Variants in KIAA1217 observed in about 807,000 individuals in gnomAD.
KIAA1217 encodes sickle tail protein homolog.
Under a neutral mutation model 163.9 loss-of-function variants are expected in KIAA1217, and 88 were observed. That is an observed-to-expected ratio of 0.54 (90% confidence interval 0.45 to 0.64). KIAA1217 has a LOEUF of 0.64. Ranked by LOEUF, KIAA1217 falls within the 30% of genes least tolerant of loss-of-function variation. KIAA1217 has a pLI of 0.00. For missense variants in KIAA1217, 2,372 were observed against 2,475.0 expected (o/e 0.96, Z 0.88); for synonymous variants, 903 against 923.1 (o/e 0.98, Z 0.39).
chr10:24,282,823 CTTTTTTTT>C (rs34486953), intron 2 of KIAA1217, among the ~76,000 whole-genome samples: 6 of 46,278 alleles, frequency 1.3e-4, no homozygotes, highest in East Asian at 9.1e-4. Context: ...GGTGTTGCTT[CTTTTTTTT>C]TTTTTTTTTT....
At chr10:24,219,053 A>G (rs1449873670) in intron 1 of KIAA1217, among the ~76,000 whole-genome samples, 2 of 152,212 alleles carry the variant, frequency 1.3e-5, no homozygotes, top group East Asian at 3.9e-4. Flanking sequence ...AGACAAGGAT[A>G]AGGAATAACC....
intron 2 of KIAA1217, among the ~76,000 whole-genome samples, chr10:24,349,804 T>A (rs369534279): frequency 1.3e-5 from 2 of 152,390 alleles, no homozygotes; most frequent in African/African-American, 4.8e-5. Context: ...AAGAAAGGAA[T>A]ATCTCTCTGG....
intron 2 of KIAA1217, among the ~76,000 whole-genome samples, chr10:24,223,071 GT>G (rs1305703352): frequency 1.3e-5 from 2 of 152,120 alleles, no homozygotes; most frequent in African/African-American, 4.8e-5. Context: ...GGTTTGGTAG[GT>G]TTTGGCTGGT....
chr10:23,844,548 C>A (rs1166811874), intron 1 of KIAA1217, among the ~76,000 whole-genome samples: 3 of 152,098 alleles, frequency 2.0e-5, no homozygotes, highest in Non-Finnish European at 4.4e-5. Flanking sequence ...TTTATGTTCA[C>A]CAGTTACCTT....
At chr10:24,389,942 A>G (rs1357726327) in intron 3 of KIAA1217, among the ~76,000 whole-genome samples, 1 of 152,124 alleles carries the variant, frequency 6.6e-6, no homozygotes, top group African/African-American at 2.4e-5. Context: ...GGTGAGGCCC[A>G]ACTCTGCATC....
chr10:24,080,730 T>C (rs1015508576), intron 2 of KIAA1217, among the ~76,000 whole-genome samples: 8 of 152,210 alleles, frequency 5.3e-5, no homozygotes, highest in African/African-American at 1.9e-4. Context: ...ACTTAATATA[T>C]GCATTTTGGT....
chr10:24,088,376 A>G lies in KIAA1217; in HGVS notation c.-171+81002A>G, dbSNP rs1460662083. ...TTTGTTACATATGTATACATGTGCC[A>G]TGTTGGTGTGCTGCACCCATTAACT... is the stretch of plus-strand genomic sequence containing the variant. On this transcript the variant is annotated intron_variant, in intron 2 of 18. Coordinates refer to the KIAA1217 transcript ENST00000376462. Among the ~76,000 whole-genome samples, 2 of 117,766 alleles carry G rather than the reference A, an allele frequency of 1.7e-5. 1 individual carries two copies. Among genetic ancestry groups the G allele is most frequent in the Admixed American group, 1.7e-4 (2 of 11,866 alleles). 77.3% of individuals were successfully genotyped at this position (117,766 alleles called of 152,430 possible).
chr10:24,520,504 CTA>C (rs2070932110), intron 11 of KIAA1217, among the ~76,000 whole-genome samples: 2 of 150,862 alleles, frequency 1.3e-5, no homozygotes, highest in South Asian at 4.2e-4. Context: ...TTTCTATTTG[CTA>C]GGCTCTTACA....
intron 2 of KIAA1217, among the ~76,000 whole-genome samples, chr10:24,051,666 G>C (rs1016876043): frequency 1.3e-5 from 2 of 152,058 alleles, no homozygotes; most frequent in African/African-American, 2.4e-5. Flanking sequence ...GGAGTAAGGT[G>C]GTTTCTCATT....
chr10:23,920,041 G>T (rs79595416), intron 1 of KIAA1217, among the ~76,000 whole-genome samples: 2,972 of 152,258 alleles, frequency 0.02, 63 homozygotes, highest in Admixed American at 0.063. Flanking sequence ...GACTTAAAGA[G>T]GCTTTGTCAT....
intron 2 of KIAA1217, among the ~76,000 whole-genome samples, chr10:24,029,366 C>T (rs987221513): frequency 6.6e-6 from 1 of 152,152 alleles, no homozygotes; most frequent in Admixed American, 6.6e-5. Flanking sequence ...GAGGTATAGA[C>T]TATTCTCACA....
chr10:24,127,772 G>A (rs1199291219), intron 2 of KIAA1217, among the ~76,000 whole-genome samples: 1 of 152,300 alleles, frequency 6.6e-6, no homozygotes, highest in Non-Finnish European at 1.5e-5. Context: ...TAAAAAGAAT[G>A]TAAGTTATCG....
chr10:23,856,069 TGGA>T (rs1839643070), intron 1 of KIAA1217, among the ~76,000 whole-genome samples: 3 of 152,260 alleles, frequency 2.0e-5, no homozygotes, highest in African/African-American at 7.2e-5. Context: ...TGCGTTCCTT[TGGA>T]GGAGGAGAGG....
At chr10:24,203,288 C>T (rs537887268) in intron 2 of KIAA1217, among the ~76,000 whole-genome samples, 16 of 152,072 alleles carry the variant, frequency 1.1e-4, no homozygotes, top group African/African-American at 3.6e-4. Context: ...GAGGGGTCGC[C>T]TTGGACAATT....
At chr10:24,058,569 C>G (rs941114636) in intron 2 of KIAA1217, among the ~76,000 whole-genome samples, 1 of 152,052 alleles carries the variant, frequency 6.6e-6, no homozygotes, top group African/African-American at 2.4e-5. Flanking sequence ...TAATTTCTTT[C>G]ATTAATGTCT....
At chr10:23,972,018 C>T (rs1845335459) in intron 1 of KIAA1217, among the ~76,000 whole-genome samples, 1 of 152,184 alleles carries the variant, frequency 6.6e-6, no homozygotes, top group South Asian at 2.1e-4. Context: ...TGAACTGAAC[C>T]AATGAATATC....
chr10:24,526,252 G>A (rs149726358), intron 13 of KIAA1217, among the ~76,000 whole-genome samples: 3 of 152,112 alleles, frequency 2.0e-5, no homozygotes, highest in East Asian at 1.9e-4. Context: ...GCAGCCTCGG[G>A]GCCTCTGAAC....
intron 3 of KIAA1217, among the ~76,000 whole-genome samples, chr10:24,384,349 A>G (rs1445527726): frequency 1.3e-5 from 2 of 152,220 alleles, no homozygotes; most frequent in Admixed American, 1.3e-4. Context: ...AGCAGAAAGT[A>G]CAGACAGTTC....
intron 1 of KIAA1217, among the ~76,000 whole-genome samples, chr10:23,976,542 C>T (rs769152773): frequency 1.1e-4 from 17 of 152,220 alleles, no homozygotes; most frequent in East Asian, 3.9e-4. Context: ...GTATACAAGA[C>T]GATATTCCTC....
Sources: gnomAD v4.1 joint callset for allele counts (sites outside exome capture counted in the v4.1 genomes callset) on GRCh38, gnomAD v4.1.1 for gene constraint, MANE v1.5 for transcripts, NCBI Gene and HGNC (gene_info 2026-07-23, HGNC 2026-07-21) for gene names.